The following CEACAM19 variants were observed in gnomAD, a reference collection of about 807,000 sequenced individuals.
The protein encoded by CEACAM19 is CEA cell adhesion molecule 19, also known as cell adhesion molecule CEACAM19.
CEACAM19 carries 37 observed loss-of-function variants against 37.6 expected under a neutral mutation model. The observed-to-expected ratio is 0.98, with a 90% CI of 0.76 to 1.29. CEACAM19 has a LOEUF of 1.29. CEACAM19 is among the 50% of genes most tolerant of loss of function. The pLI, the probability that CEACAM19 is intolerant of heterozygous loss-of-function variation, is 0.00. For missense variants in CEACAM19, 340 were observed against 375.6 expected (o/e 0.91, Z 0.78); for synonymous variants, 140 against 149.8 (o/e 0.93, Z 0.48).
chr19:44,668,150 ATTTATATGC>A, upstream of CEACAM19, among the ~76,000 whole-genome samples: 3 of 81,920 alleles, frequency 3.7e-5, no homozygotes, highest in African/African-American at 1.2e-4. Flanking sequence ...TATTATATAT[ATTTATATGC>A]TATATTATAT....
chr19:44,677,201 CTT>C (rs776853748), intron 3 of CEACAM19, among the ~76,000 whole-genome samples: 9 of 152,168 alleles, frequency 5.9e-5, no homozygotes, highest in Non-Finnish European at 1.3e-4. Flanking sequence ...GATCACATGA[CTT>C]TTCATGAACC....
upstream of CEACAM19, among the ~76,000 whole-genome samples, chr19:44,667,756 AAATT>A (rs1228944685): frequency 2.6e-5 from 2 of 76,710 alleles, no homozygotes; most frequent in Non-Finnish European, 4.4e-5. Context: ...TAAATTATAT[AAATT>A]ATATATATTT....
Position 44,671,936 on chromosome 19 carries a change from A to T in CEACAM19, c.5A>T (p.Glu2Val). ...GCATTTCCACAAGACGCCAAGATGG[A>T]GATTCCCATGGGGACCCAGGGCTGC... M[E>V]IPMGTQGCFS... Residue 2 changes from glutamate to valine, a missense_variant, in exon 1 of 8, where the codon GAG becomes GTG. Physicochemically the swap from Glu to Val is moderately radical, Grantham distance 121 (BLOSUM62 -2). Coordinates refer to ENST00000358777, the MANE Select transcript of CEACAM19 (RefSeq NM_001127893.3). 6.2e-7 allele frequency: 1 copy of T among 1,605,694 alleles called. No homozygotes were observed. Among genetic ancestry groups the T allele is most frequent in the Non-Finnish European group, 8.5e-7 (1 of 1,176,412 alleles).
intron 7 of CEACAM19, 50 bp downstream of exon 7, chr19:44,682,670 A>G: frequency 1.3e-6 from 2 of 1,536,336 alleles, no homozygotes; most frequent in South Asian, 2.4e-5. Context: ...CGGATCCAGG[A>G]GCCCCGAAGC....
At chr19:44,681,084 T>G in intron 5 of CEACAM19, 143 bp from the exon 6 acceptor site, 1 of 640,090 alleles carries the variant, frequency 1.6e-6, no homozygotes, top group South Asian at 1.8e-5. Flanking sequence ...TGGTCAGCAC[T>G]GTGTCCCCAG....
rs149912619 is a variant in CEACAM19, at chr19:44,673,405, C to A, written c.424+441C>A. The stretch of plus-strand genomic sequence containing the variant: ...TTGGGTGATCGTTAAGAGCCAGGCA[C>A]CATCTTAAACATTTTCCCTAAAGCA... On this transcript the variant is annotated intron_variant, in intron 2 of 7. Coordinates refer to ENST00000358777, the MANE Select transcript of CEACAM19 (RefSeq NM_001127893.3). Among the ~76,000 whole-genome samples, 1,303 of 152,266 alleles carry A rather than the reference C, an allele frequency of 8.6e-3. 22 individuals carry two copies. Among genetic ancestry groups the A allele is most frequent in the African/African-American group, 0.029 (1,188 of 41,554 alleles).
At chr19:44,668,729 AAATAT>A (rs1241066185), upstream of CEACAM19, among the ~76,000 whole-genome samples, 329 of 102,442 alleles carry the variant, frequency 3.2e-3, 25 homozygotes, top group African/African-American at 0.015. Context: ...ATGTATATAT[AAATAT>A]AATATATAAT....
At chr19:44,667,664 A>C (rs567142343), upstream of CEACAM19, among the ~76,000 whole-genome samples, 745 of 90,260 alleles carry the variant, frequency 8.3e-3, 18 homozygotes, top group African/African-American at 0.034. Flanking sequence ...AGATATATAA[A>C]TATAAATATA....
At chr19:44,680,152 C>T (rs1294825314) in intron 4 of CEACAM19, 136 bp from the exon 5 acceptor site, 5 of 653,414 alleles carry the variant, frequency 7.7e-6, no homozygotes, top group Non-Finnish European at 1.4e-5. Context: ...TAGTTCAGGC[C>T]TCATCCTAGC....
At chr19:44,675,943 T>C (rs1163007864) in intron 2 of CEACAM19, among the ~76,000 whole-genome samples, 2 of 151,918 alleles carry the variant, frequency 1.3e-5, no homozygotes, top group East Asian at 3.9e-4. Context: ...TGTTGAAATT[T>C]TTTTTTTAAT....
rs142707002 is a variant in CEACAM19, at chr19:44,666,468, G to A, written c.-320+4070G>A. On this transcript the variant is annotated intron_variant, in intron 1 of 3. Transcript: ENST00000591979. ...TTGGATCACCTGAGATCAGGAGTTC[G>A]AGACCAGCCTGGCCAACATGGTGAA... Among the ~76,000 whole-genome samples the A allele has an allele frequency of 7.0e-3, 1,070 of 152,266 alleles. 11 individuals carry two copies. The highest frequency in any genetic ancestry group is 0.023 in the African/African-American group (976 of 41,540).
At position 44,671,826 on chromosome 19, in the gene CEACAM19, C is replaced by G; in HGVS notation, c.-106C>G. On this transcript the variant is annotated 5_prime_UTR_variant, in exon 1 of 8. Transcript: ENST00000358777. ...GCCCCAGCGGTGTCTCTAAGGCACC[C>G]CTGGGATCCCCACTGAGCTGGCCTA... The G allele has an allele frequency of 1.0e-6, 1 of 958,090 alleles. No homozygotes were observed. Among genetic ancestry groups the G allele is most frequent in the East Asian group, 2.6e-5 (1 of 38,100 alleles). The allele number at this position is 958,090 out of a possible 1,614,324, so 59.3% of individuals were successfully genotyped here.
At chr19:44,680,443 CACCTGCCCCGAG>C in intron 5 of CEACAM19, 109 bp downstream of exon 5, 1 of 1,027,992 alleles carries the variant, frequency 9.7e-7, no homozygotes. Flanking sequence ...CCTCCCAATG[CACCTGCCCCGAG>C]ACCTCTCTGG....
At chr19:44,674,017 G>C (rs926615396) in intron 2 of CEACAM19, among the ~76,000 whole-genome samples, 1 of 152,118 alleles carries the variant, frequency 6.6e-6, no homozygotes, top group African/African-American at 2.4e-5. Context: ...AGGCTGAAGT[G>C]GGTGGATCAC....
chr19:44,667,563 AAT>A (rs971020952), upstream of CEACAM19, among the ~76,000 whole-genome samples: 21 of 118,438 alleles, frequency 1.8e-4, no homozygotes, highest in African/African-American at 5.1e-4. Context: ...ATGTATATGT[AAT>A]ATATATATAA....
upstream of CEACAM19, among the ~76,000 whole-genome samples, chr19:44,668,132 A>G (rs556530912): frequency 3.7e-3 from 320 of 85,550 alleles, 3 homozygotes; most frequent in African/African-American, 0.015. Context: ...ATATATTTTT[A>G]TATAATATAT....
chr19:44,682,084 C>G (rs1362378337), intron 6 of CEACAM19, among the ~76,000 whole-genome samples: 1 of 151,988 alleles, frequency 6.6e-6, no homozygotes. Flanking sequence ...ATAGCTAGAC[C>G]CCATCTCTAC....
chr19:44,670,915 G>A (rs901002532), upstream of CEACAM19, among the ~76,000 whole-genome samples: 6 of 151,464 alleles, frequency 4.0e-5, no homozygotes, highest in Admixed American at 2.6e-4. Context: ...GACCAACATG[G>A]AGAAACCCTG....
chr19:44,668,688 A>ATTATATAATTATATACATATATTATATAT (rs1973805003), upstream of CEACAM19, among the ~76,000 whole-genome samples: 2 of 79,242 alleles, frequency 2.5e-5, no homozygotes, highest in African/African-American at 1.4e-4. Context: ...ATATATTATA[A>ATTATATAATTATATACATATATTATATAT]TATATTATAT....
Sources: gnomAD v4.1 joint callset for allele counts (sites outside exome capture counted in the v4.1 genomes callset) on GRCh38, gnomAD v4.1.1 for gene constraint, MANE v1.5 for transcripts, NCBI Gene and HGNC (gene_info 2026-07-23, HGNC 2026-07-21) for gene names.